Variants in FBXO34 observed in about 807,000 individuals in gnomAD.
FBXO34 encodes F-box only protein 34.
Under a neutral mutation model 24.5 loss-of-function variants are expected in FBXO34, and 12 were observed. That is an observed-to-expected ratio of 0.49 (90% CI 0.31 to 0.79). The LOEUF is 0.79. FBXO34 is among the 30% of genes least tolerant of loss of function. The pLI is 0.04. For synonymous variants in FBXO34, 320 were observed against 311.9 expected, an observed-to-expected ratio of 1.03 and a Z score of -0.27; for missense variants, 823 against 857.7, an observed-to-expected ratio of 0.96 and a Z score of 0.51.
intron 1 of FBXO34, among the ~76,000 whole-genome samples, chr14:55,317,938 G>A (rs1882990194): frequency 2.6e-5 from 4 of 152,032 alleles, no homozygotes. Flanking sequence ...AGTAAGAAAG[G>A]GAATATGGGA....
intron 1 of FBXO34, among the ~76,000 whole-genome samples, chr14:55,336,159 A>G (rs955721741): frequency 1.3e-5 from 2 of 152,174 alleles, no homozygotes; most frequent in Non-Finnish European, 2.9e-5. Context: ...TTAATTAGGA[A>G]TTGGATTGAT....
chr14:55,288,973 C>T (rs1384673618), intron 1 of FBXO34, among the ~76,000 whole-genome samples: 2 of 152,112 alleles, frequency 1.3e-5, no homozygotes, highest in East Asian at 3.8e-4. Context: ...ATCGCTTGAA[C>T]CTGGGAGGTG....
At chr14:55,288,622 A>T (rs533715691) in intron 1 of FBXO34, among the ~76,000 whole-genome samples, 1 of 152,344 alleles carries the variant, frequency 6.6e-6, no homozygotes, top group South Asian at 2.1e-4. Context: ...AACTGTTTAG[A>T]AACTGTACTC....
chr14:55,440,485 A>C, the FBXO34 span: 1 of 1,612,694 alleles, frequency 6.2e-7, no homozygotes, highest in Non-Finnish European at 8.5e-7. Context: ...GGGGGCGGGT[A>C]AGAGGGTAAG....
chr14:55,320,576 C>T (rs1883095935), intron 1 of FBXO34, among the ~76,000 whole-genome samples: 1 of 152,018 alleles, frequency 6.6e-6, no homozygotes, highest in Admixed American at 6.5e-5. Context: ...ACGGTGAAAC[C>T]CCGTCTCTAC....
At chr14:55,341,127 C>T (rs1322604660) in intron 1 of FBXO34, among the ~76,000 whole-genome samples, 1 of 152,108 alleles carries the variant, frequency 6.6e-6, no homozygotes, top group African/African-American at 2.4e-5. Flanking sequence ...GGGCTCAACT[C>T]CAAATACATC....
chr14:55,319,421 G>T (rs766177227), intron 1 of FBXO34, among the ~76,000 whole-genome samples: 1 of 152,070 alleles, frequency 6.6e-6, no homozygotes, highest in Non-Finnish European at 1.5e-5. Flanking sequence ...AAGGACTTCT[G>T]GCAACAACTT....
At chr14:55,362,105 T>TCTC (rs773652707), downstream of FBXO34, among the ~76,000 whole-genome samples, 43 of 152,308 alleles carry the variant, frequency 2.8e-4, no homozygotes, top group Admixed American at 6.5e-4. Context: ...TGATTTAAAG[T>TCTC]GAGAGACATG....
chr14:55,299,820 A>G (rs539822379), intron 1 of FBXO34, among the ~76,000 whole-genome samples: 3 of 152,378 alleles, frequency 2.0e-5, no homozygotes, highest in African/African-American at 4.8e-5. Context: ...AAACAAAAGT[A>G]GGTGGAATCC....
chr14:55,397,808 C>T, the FBXO34 span, among the ~76,000 whole-genome samples: 69 of 152,206 alleles, frequency 4.5e-4, no homozygotes, highest in African/African-American at 1.6e-3. Context: ...CCTGCTCTCT[C>T]CTATAAACTG....
the FBXO34 span, among the ~76,000 whole-genome samples, chr14:55,410,414 C>G: frequency 0.058 from 8,809 of 152,162 alleles, 340 homozygotes; most frequent in South Asian, 0.085. Context: ...TCTCATACCC[C>G]GTATTCTTAT....
At chr14:55,421,533 G>A in the FBXO34 span, among the ~76,000 whole-genome samples, 1 of 152,126 alleles carries the variant, frequency 6.6e-6, no homozygotes, top group Non-Finnish European at 1.5e-5. Context: ...GCGCGAACTT[G>A]GCTCACTGCA....
chr14:55,343,239 C>T (rs939770759), intron 1 of FBXO34, among the ~76,000 whole-genome samples: 17 of 138,882 alleles, frequency 1.2e-4, no homozygotes, highest in African/African-American at 2.4e-4. Flanking sequence ...TTTATTCCTC[C>T]GATTTTTTTT....
At chr14:55,427,284 TGAAAAAACTGAA>T in the FBXO34 span, among the ~76,000 whole-genome samples, 1 of 151,688 alleles carries the variant, frequency 6.6e-6, no homozygotes, top group Non-Finnish European at 1.5e-5. Flanking sequence ...TAGCATACAG[TGAAAAAACTGAA>T]GAAAAAAGAA....
chr14:55,385,951 A>C, the FBXO34 span: 6 of 1,613,978 alleles, frequency 3.7e-6, no homozygotes, highest in Non-Finnish European at 5.1e-6. Context: ...GCTCATAATG[A>C]CTTCTTAAGT....
In FBXO34 at chr14:55,298,591, G is replaced by A. The variant is rs1187211935; in HGVS notation, c.-11+27054G>A. On this transcript the variant is annotated intron_variant, in intron 1 of 1. Transcript: ENST00000313833. Reference sequence around the variant, plus strand: ...ATTTGGCAGGGTGGAGGCGGAGGAGGGCGGGCGCCGGAGCCCAGCCGGAGC... The same window carrying A: ...ATTTGGCAGGGTGGAGGCGGAGGAGAGCGGGCGCCGGAGCCCAGCCGGAGC... 1.0e-5 allele frequency: 9 copies of A among 871,576 alleles called. 1 individual carries two copies. The highest frequency in any genetic ancestry group is 7.0e-5 in the South Asian group (4 of 57,504). The allele number at this position is 871,576 out of a possible 1,614,324, so 54.0% of individuals were successfully genotyped here.
downstream of FBXO34, chr14:55,369,730 A>G (rs1423921782): frequency 6.2e-7 from 1 of 1,613,456 alleles, no homozygotes; most frequent in Non-Finnish European, 8.5e-7. Flanking sequence ...GGGTGCTCTG[A>G]CTCTGGGAGA....
Position 55,336,984 on chromosome 14 carries a change from T to A in FBXO34, c.-10-13397T>A, listed in dbSNP as rs11158036. Among the ~76,000 whole-genome samples the A allele has an allele frequency of 7.3e-3, 886 of 121,790 alleles. 3 individuals are homozygous for A. Among genetic ancestry groups the A allele is most frequent in the African/African-American group, 0.023 (388 of 17,126 alleles). 79.9% of individuals were successfully genotyped at this position (121,790 alleles called of 152,430 possible). A position where few individuals can be genotyped will look rare whatever the true frequency, so the allele number is the denominator to read the frequency against. ...TTCACTCTTTTTTTTATTTTATTTT[T>A]TTTTTTTTTTTGAGACAGTCTCACT... On this transcript the variant is annotated intron_variant, in intron 1 of 1. Transcript: ENST00000313833.
At chr14:55,349,888 T>C (rs1259934815) in intron 1 of FBXO34, among the ~76,000 whole-genome samples, 1 of 152,054 alleles carries the variant, frequency 6.6e-6, no homozygotes, top group Non-Finnish European at 1.5e-5. Flanking sequence ...ATTACAGACG[T>C]CAGTCACCAT....
Sources: allele counts gnomAD v4.1 joint callset (sites outside exome capture counted in the v4.1 genomes callset), GRCh38; gene constraint gnomAD v4.1.1; transcripts MANE v1.5; gene names NCBI Gene and HGNC (gene_info 2026-07-23, HGNC 2026-07-21).